APBA2: variants seen among roughly 807,000 people sequenced by gnomAD.
APBA2 encodes amyloid beta precursor protein binding family A member 2, also known as amyloid-beta A4 precursor protein-binding family A member 2.
In APBA2, 30 loss-of-function variants were observed where a neutral mutation model predicts 75.0. The ratio of observed to expected loss-of-function variants is 0.40; its 90% confidence interval spans 0.30 to 0.54. APBA2 has a LOEUF of 0.54. Ranked by LOEUF, APBA2 falls within the 20% of genes least tolerant of loss-of-function variation. APBA2 has a pLI of 0.49. For missense variants in APBA2, 801 were observed against 1,016.1 expected, an observed-to-expected ratio of 0.79 and a Z score of 2.88; for synonymous variants, 444 against 409.6, an observed-to-expected ratio of 1.08 and a Z score of -1.01.
rs550960267 is a variant in APBA2 at position 29,087,224 on chromosome 15, G to A, written c.1070-5851G>A. 1.1e-4 allele frequency among the ~76,000 whole-genome samples: 16 copies of A among 152,216 alleles called. 1 individual carries two copies. The South Asian group carries it at 2.5e-3, about 24-fold the overall frequency. ...ACAAATAGTGCTGCTGCAGTGAACC[G>A]CCTATGCATATGCTTTTTCCCATTT... On this transcript the variant is annotated intron_variant, in intron 6 of 14. Transcript: ENST00000683413.
Position 28,938,750 on chromosome 15 carries a change from C to T in APBA2, c.-95+17001C>T, listed in dbSNP as rs1595507031. ...TCTCAAACTCCTGGCCTCAAGTGAT[C>T]TGCCTGCCTAGGCCTCCCAAAGTGC... On this transcript the variant is annotated intron_variant, in intron 2 of 14. Coordinates refer to ENST00000683413, the MANE Select transcript of APBA2 (RefSeq NM_001353788.2). 2.6e-5 allele frequency among the ~76,000 whole-genome samples: 4 copies of T among 152,334 alleles called. No homozygotes were observed. In the East Asian group the frequency reaches 7.7e-4, roughly 29 times the overall value.
At chr15:28,907,143 TATTC>T (rs1400264515) in intron 1 of APBA2, among the ~76,000 whole-genome samples, 3 of 152,224 alleles carry the variant, frequency 2.0e-5, no homozygotes, top group African/African-American at 7.2e-5. Flanking sequence ...TTACATCTCT[TATTC>T]AATCTAAAAT....
At chr15:28,932,463 C>T (rs931340954) in intron 2 of APBA2, among the ~76,000 whole-genome samples, 5 of 152,198 alleles carry the variant, frequency 3.3e-5, no homozygotes, top group Admixed American at 6.5e-5. Context: ...CCTAGTGCTG[C>T]AGTCTCAGAG....
intron 14 of APBA2, 113 bp downstream of exon 14, chr15:29,114,129 CTG>C: frequency 6.8e-7 from 1 of 1,470,784 alleles, no homozygotes; most frequent in Non-Finnish European, 9.4e-7. Context: ...GTCAGCCAGG[CTG>C]TGTCTCCCAT....
chr15:29,045,385 C>T (rs887617637), intron 3 of APBA2, among the ~76,000 whole-genome samples: 15 of 151,978 alleles, frequency 9.9e-5, no homozygotes, highest in East Asian at 3.9e-4. Flanking sequence ...CCACCACGCC[C>T]GGCCTGGGGT....
chr15:29,068,861 GTAGTAA>G (rs1361307137), intron 4 of APBA2, among the ~76,000 whole-genome samples: 1 of 152,174 alleles, frequency 6.6e-6, no homozygotes, highest in East Asian at 1.9e-4. Context: ...TTTTTAAACT[GTAGTAA>G]TACACACGTA....
At chr15:28,944,311 C>T (rs1483980142) in intron 2 of APBA2, among the ~76,000 whole-genome samples, 1 of 152,158 alleles carries the variant, frequency 6.6e-6, no homozygotes, top group East Asian at 1.9e-4. Flanking sequence ...TCTTGCCATC[C>T]TCTATTTTGT....
intron 2 of APBA2, among the ~76,000 whole-genome samples, chr15:28,941,809 C>T (rs1260535244): frequency 9.2e-5 from 14 of 152,214 alleles, no homozygotes; most frequent in South Asian, 4.1e-4. Context: ...CAGGCTGGAG[C>T]GCAGTGGCGC....
At chr15:29,070,485 C>T (rs962741537) in intron 4 of APBA2, among the ~76,000 whole-genome samples, 1 of 152,224 alleles carries the variant, frequency 6.6e-6, no homozygotes, top group Admixed American at 6.5e-5. Context: ...AAGATATGAT[C>T]TCCCCCAGGG....
chr15:28,931,881 A>G (rs2034581910), intron 2 of APBA2, among the ~76,000 whole-genome samples: 2 of 152,220 alleles, frequency 1.3e-5, no homozygotes. Context: ...TTGGGAAGTT[A>G]TATTACAATG....
chr15:29,018,603 C>T (rs1191667948), intron 3 of APBA2, among the ~76,000 whole-genome samples: 2 of 152,118 alleles, frequency 1.3e-5, no homozygotes, highest in African/African-American at 2.4e-5. Context: ...GCAGGTGTGG[C>T]CACTGAGCAG....
At chr15:28,966,549 T>C (rs1039857424) in intron 2 of APBA2, among the ~76,000 whole-genome samples, 2 of 152,204 alleles carry the variant, frequency 1.3e-5, no homozygotes, top group Non-Finnish European at 2.9e-5. Context: ...TTTCCCATCC[T>C]TTACTTTCAG....
chr15:29,082,385 C>T (rs1218970603), intron 6 of APBA2, among the ~76,000 whole-genome samples: 2 of 152,182 alleles, frequency 1.3e-5, no homozygotes, highest in Non-Finnish European at 2.9e-5. Flanking sequence ...GTGGTGAGAA[C>T]ACTTCAGATC....
At chr15:29,059,862 G>A (rs2042056026) in intron 4 of APBA2, among the ~76,000 whole-genome samples, 1 of 152,146 alleles carries the variant, frequency 6.6e-6, no homozygotes, top group African/African-American at 2.4e-5. Flanking sequence ...CCTTCTTGGG[G>A]GTTTACTGAT....
rs1371858057 is a variant in APBA2 at position 29,107,183 on chromosome 15, A to C, written c.1917+364A>C. ...TAGCACTGAAAGTCCGGCTTCTGGG[A>C]AACCCCCTCAGTGCTGGTGGGCTGG... is the stretch of plus-strand genomic sequence containing the variant. On this transcript the variant is annotated intron_variant, in intron 12 of 14. Transcript: ENST00000683413. Among the ~76,000 whole-genome samples the C allele has an allele frequency of 2.0e-5, 3 of 152,104 alleles. No individual in the cohort carries two copies. The South Asian group carries it at 6.2e-4, about 32-fold the overall frequency.
At chr15:28,957,311 GT>G (rs2036225826) in intron 2 of APBA2, among the ~76,000 whole-genome samples, 1 of 152,000 alleles carries the variant, frequency 6.6e-6, no homozygotes, top group Non-Finnish European at 1.5e-5. Context: ...TCCTGACCTC[GT>G]GATCCGCCCG....
In APBA2 at chr15:29,117,190, G is replaced by A. The variant is rs975427100; in HGVS notation, c.*57G>A. Reference sequence around the variant, plus strand: ...CCGGGCAGGGCCGCCCGGGCCCAGAGGAGCTGGGAGCCGGGCCGCAGACTT... The same window carrying A: ...CCGGGCAGGGCCGCCCGGGCCCAGAAGAGCTGGGAGCCGGGCCGCAGACTT... On this transcript the variant is annotated 3_prime_UTR_variant, in exon 15 of 15. Transcript: ENST00000683413. 15 of 1,548,166 alleles carry A rather than the reference G, an allele frequency of 9.7e-6. No homozygotes were observed. The highest frequency in any genetic ancestry group is 1.3e-5 in the Non-Finnish European group (15 of 1,122,386).
chr15:29,039,320 G>A (rs575892310), intron 3 of APBA2, among the ~76,000 whole-genome samples: 1 of 152,170 alleles, frequency 6.6e-6, no homozygotes, highest in East Asian at 1.9e-4. Flanking sequence ...TGGTAGAGGA[G>A]AGGCTGTCAG....
chr15:29,037,331 G>T (rs2040801670), intron 3 of APBA2, among the ~76,000 whole-genome samples: 1 of 152,156 alleles, frequency 6.6e-6, no homozygotes, highest in Admixed American at 6.5e-5. Flanking sequence ...TTGGCTTATG[G>T]ACTGGGTGGG....
Sources: allele counts gnomAD v4.1 joint callset (sites outside exome capture counted in the v4.1 genomes callset), GRCh38; gene constraint gnomAD v4.1.1; transcripts MANE v1.5; gene names NCBI Gene and HGNC (gene_info 2026-07-23, HGNC 2026-07-21).